SLC5A4: variants seen among roughly 807,000 people sequenced by gnomAD.
The protein encoded by SLC5A4 is solute carrier family 5 member 4, also known as probable glucose sensor protein SLC5A4.
In SLC5A4, 55 loss-of-function variants were observed where a neutral mutation model predicts 70.3. The observed-to-expected ratio is 0.78, with a 90% CI of 0.63 to 0.98. The LOEUF (loss-of-function observed/expected upper bound fraction) is 0.98. SLC5A4 is among the 50% of genes least tolerant of loss of function. The pLI is 0.00. For missense variants in SLC5A4, 735 were observed against 839.2 expected (o/e 0.88, Z 1.53); for synonymous variants, 268 against 305.7 (o/e 0.88, Z 1.29).
chr22:32,266,655 C>T, the SLC5A4 span, among the ~76,000 whole-genome samples: 1 of 152,136 alleles, frequency 6.6e-6, no homozygotes. Flanking sequence ...GGGCACTGAG[C>T]CCCCGGCAGT....
At chr22:32,241,765 A>T (rs1926522887) in intron 5 of SLC5A4, among the ~76,000 whole-genome samples, 1 of 143,976 alleles carries the variant, frequency 6.9e-6, no homozygotes, top group African/African-American at 2.9e-5. Flanking sequence ...AACAAATTTT[A>T]CATATATATA....
At chr22:32,329,618 G>GGT in the SLC5A4 span, among the ~76,000 whole-genome samples, 3 of 110,720 alleles carry the variant, frequency 2.7e-5, no homozygotes, top group South Asian at 3.2e-4. Flanking sequence ...TGTTGGCTCT[G>GGT]GTGTGTGTGT....
intron 11 of SLC5A4, among the ~76,000 whole-genome samples, chr22:32,227,611 G>A (rs1201405377): frequency 6.6e-6 from 1 of 152,170 alleles, no homozygotes; most frequent in Non-Finnish European, 1.5e-5. Flanking sequence ...ATAGCAACAC[G>A]GTTGAATGTT....
chr22:32,268,661 G>A, the SLC5A4 span: 1 of 152,122 alleles, frequency 6.6e-6, no homozygotes, highest in South Asian at 2.1e-4. Flanking sequence ...ATTAAATATG[G>A]GCATAGGCTG....
the SLC5A4 span, among the ~76,000 whole-genome samples, chr22:32,339,542 C>T: frequency 3.9e-5 from 6 of 152,146 alleles, no homozygotes; most frequent in Non-Finnish European, 5.9e-5. Flanking sequence ...GAAAACTAAG[C>T]GTGGGTGTTG....
the SLC5A4 span, among the ~76,000 whole-genome samples, chr22:32,294,373 C>T: frequency 6.7e-6 from 1 of 149,648 alleles, no homozygotes; most frequent in Non-Finnish European, 1.5e-5. Context: ...ATTGCATATG[C>T]ACATGCAATT....
chr22:32,220,748 G>C (rs1925027850), intron 14 of SLC5A4, among the ~76,000 whole-genome samples, 172 bp downstream of exon 14: 1 of 152,180 alleles, frequency 6.6e-6, no homozygotes, highest in African/African-American at 2.4e-5. Context: ...CAGATGAATA[G>C]ATGGATTTAA....
chr22:32,236,626 A>G (rs950014793), intron 7 of SLC5A4, among the ~76,000 whole-genome samples: 1 of 152,234 alleles, frequency 6.6e-6, no homozygotes, highest in African/African-American at 2.4e-5. Context: ...CTGTAAAATT[A>G]TCAGCCCAAT....
At chr22:32,223,598 A>C (rs1925212228) in intron 13 of SLC5A4, among the ~76,000 whole-genome samples, 1 of 151,980 alleles carries the variant, frequency 6.6e-6, no homozygotes, top group African/African-American at 2.4e-5. Context: ...TGTATATGAA[A>C]TCCTATTGAC....
At chr22:32,305,028 T>TA in the SLC5A4 span, among the ~76,000 whole-genome samples, 2 of 152,212 alleles carry the variant, frequency 1.3e-5, no homozygotes, top group African/African-American at 4.8e-5. Flanking sequence ...AAAGATCAGT[T>TA]GACTATTTTA....
chr22:32,351,759 T>TGGGGGGAGGGGGGGGGGGC, the SLC5A4 span, among the ~76,000 whole-genome samples: 1 of 8,438 alleles, frequency 1.2e-4, no homozygotes, highest in Non-Finnish European at 1.7e-4. Flanking sequence ...GGGGGGGGGG[T>TGGGGGGAGGGGGGGGGGGC]GGGCGGGTGG....
the SLC5A4 span, chr22:32,268,342 T>C: frequency 6.6e-6 from 1 of 152,162 alleles, no homozygotes; most frequent in Admixed American, 6.5e-5. Context: ...CATCTCCCTA[T>C]CTTATCTTGA....
intron 14 of SLC5A4, among the ~76,000 whole-genome samples, chr22:32,220,060 C>G (rs1196083499): frequency 6.7e-6 from 1 of 148,350 alleles, no homozygotes; most frequent in Admixed American, 6.7e-5. Context: ...CACACACACA[C>G]AGCCCTTATG....
chr22:32,281,404 G>T, the SLC5A4 span, among the ~76,000 whole-genome samples: 4,369 of 152,320 alleles, frequency 0.029, 215 homozygotes, highest in African/African-American at 0.1. Flanking sequence ...GCCACTGACT[G>T]GAAGGGGCCC....
chr22:32,337,710 A>G, the SLC5A4 span, among the ~76,000 whole-genome samples: 1 of 148,656 alleles, frequency 6.7e-6, no homozygotes, highest in Non-Finnish European at 1.5e-5. Flanking sequence ...GAAAACTCTG[A>G]TTTGTAGCAC....
the SLC5A4 span, chr22:32,272,591 C>A: frequency 4.8e-6 from 3 of 620,670 alleles, no homozygotes; most frequent in South Asian, 1.9e-5. Context: ...TAGACAACAC[C>A]CAGCTGGGTT....
chr22:32,291,893 G>A, the SLC5A4 span, among the ~76,000 whole-genome samples: 1 of 134,524 alleles, frequency 7.4e-6, no homozygotes, highest in Non-Finnish European at 1.6e-5. Context: ...TTTTTTTGGA[G>A]ATGGAGTCTC....
chr22:32,293,894 A>G, the SLC5A4 span, among the ~76,000 whole-genome samples: 1 of 152,174 alleles, frequency 6.6e-6, no homozygotes, highest in African/African-American at 2.4e-5. Flanking sequence ...TTAGAATTCA[A>G]ACATATATAC....
chr22:32,325,413 T>C, the SLC5A4 span, among the ~76,000 whole-genome samples: 2 of 152,158 alleles, frequency 1.3e-5, no homozygotes, highest in Admixed American at 6.5e-5. Context: ...AGCTGGGCCC[T>C]GGACAAGGTT....
Sources: gnomAD v4.1 joint callset for allele counts (sites outside exome capture counted in the v4.1 genomes callset) on GRCh38, gnomAD v4.1.1 for gene constraint, MANE v1.5 for transcripts, NCBI Gene and HGNC (gene_info 2026-07-23, HGNC 2026-07-21) for gene names.